Variants in NOX4 observed in about 807,000 individuals in gnomAD.
NOX4 encodes NADPH oxidase 4.
Under a neutral mutation model 87.6 loss-of-function variants are expected in NOX4, and 69 were observed. That is an observed-to-expected ratio of 0.79 (90% confidence interval 0.65 to 0.96). NOX4 has a LOEUF of 0.96. NOX4 is among the 40% of genes least tolerant of loss of function. The pLI is 0.00. For missense variants in NOX4, 680 were observed against 681.5 expected, an observed-to-expected ratio of 1.00 and a Z score of 0.02; for synonymous variants, 275 against 238.2, an observed-to-expected ratio of 1.15 and a Z score of -1.42.
At chr11:89,353,765 G>C (rs1359473682) in intron 13 of NOX4, among the ~76,000 whole-genome samples, 3 of 152,090 alleles carry the variant, frequency 2.0e-5, no homozygotes, top group African/African-American at 7.2e-5. Flanking sequence ...AGAAAAGCAG[G>C]CATCATCAGC....
the NOX4 span, among the ~76,000 whole-genome samples, chr11:89,517,719 G>T: frequency 4.0e-5 from 6 of 151,562 alleles, no homozygotes; most frequent in African/African-American, 1.5e-4. Context: ...ATGGCCTCAA[G>T]CAATCCTCCC....
intron 2 of NOX4, among the ~76,000 whole-genome samples, chr11:89,472,837 G>A (rs1287919996): frequency 6.6e-6 from 1 of 152,088 alleles, no homozygotes; most frequent in Non-Finnish European, 1.5e-5. Flanking sequence ...AGACAATATT[G>A]TCTAGTGAAC....
the NOX4 span, among the ~76,000 whole-genome samples, chr11:89,547,846 C>T: frequency 6.6e-6 from 1 of 151,990 alleles, no homozygotes; most frequent in African/African-American, 2.4e-5. Flanking sequence ...ATAGCTATAT[C>T]ATGCAGCAAT....
chr11:89,412,463 C>T (rs1366857202), intron 8 of NOX4, among the ~76,000 whole-genome samples: 1 of 152,040 alleles, frequency 6.6e-6, no homozygotes, highest in African/African-American at 2.4e-5. Context: ...TATCAAGCAC[C>T]TTTCCTGACC....
the NOX4 span, among the ~76,000 whole-genome samples, chr11:89,578,556 C>T: frequency 9.8e-3 from 1,495 of 152,206 alleles, 19 homozygotes; most frequent in African/African-American, 0.034. Context: ...TATAGATAAA[C>T]TAATATATGG....
chr11:89,440,207 T>G (rs1944397014), intron 6 of NOX4, among the ~76,000 whole-genome samples: 1 of 152,240 alleles, frequency 6.6e-6, no homozygotes, highest in African/African-American at 2.4e-5. Context: ...CATTGCAACC[T>G]TATCCTTTAA....
the NOX4 span, among the ~76,000 whole-genome samples, chr11:89,529,046 T>C: frequency 1.3e-5 from 2 of 151,738 alleles, no homozygotes; most frequent in Admixed American, 6.6e-5. Context: ...ACAGAAGAAA[T>C]CAAATCCCCA....
At chr11:89,535,895 G>A in the NOX4 span, among the ~76,000 whole-genome samples, 1 of 152,076 alleles carries the variant, frequency 6.6e-6, no homozygotes, top group Admixed American at 6.5e-5. Flanking sequence ...TTTCAGCCAT[G>A]GAGAAAGGTA....
intron 4 of NOX4, among the ~76,000 whole-genome samples, chr11:89,446,602 A>T (rs1944721898): frequency 6.6e-6 from 1 of 152,170 alleles, no homozygotes. Context: ...TTACTAAGTG[A>T]AAGAAGCCAA....
intron 11 of NOX4, among the ~76,000 whole-genome samples, chr11:89,399,432 AATATATATATATATATATATATATATAT>A (rs1208007737): frequency 2.6e-5 from 2 of 75,648 alleles, no homozygotes; most frequent in Admixed American, 1.8e-4. Flanking sequence ...CAAGAAATTA[AATATATATATATATATATATATATATAT>A]ATATATATAT....
At chr11:89,395,403 G>A (rs1194519519) in intron 11 of NOX4, among the ~76,000 whole-genome samples, 1 of 152,092 alleles carries the variant, frequency 6.6e-6, no homozygotes, top group Non-Finnish European at 1.5e-5. Flanking sequence ...CTGGATATTA[G>A]CTCTTTGCCA....
At chr11:89,443,571 T>C (rs1458160395) in intron 5 of NOX4, 2 of 152,976 alleles carry the variant, frequency 1.3e-5, no homozygotes, top group African/African-American at 4.8e-5. Context: ...GCAAATATAA[T>C]TTCATTTCAT....
In NOX4 at chr11:89,396,973, T is replaced by C. The variant is rs553466279; in HGVS notation, c.1074+3044A>G. Among the ~76,000 whole-genome samples the C allele has an allele frequency of 3.6e-3, 353 of 98,470 alleles. 1 individual carries two copies. The highest frequency in any genetic ancestry group is 4.4e-3 in the Non-Finnish European group (240 of 54,898). The allele number at this position is 98,470 out of a possible 152,430, so 64.6% of individuals were successfully genotyped here. A position where few individuals can be genotyped will look rare whatever the true frequency, so the allele number is the denominator to read the frequency against. Reference sequence around the variant, plus strand: ...TCAGCTCTGCCCCAAGCGGACCTAATAGATATCTACGAACTCTCCACCCCA... The same window carrying C: ...TCAGCTCTGCCCCAAGCGGACCTAACAGATATCTACGAACTCTCCACCCCA... On this transcript the variant is annotated intron_variant, in intron 11 of 17. Coordinates refer to ENST00000263317, the MANE Select transcript of NOX4 (RefSeq NM_016931.5).
intron 11 of NOX4, among the ~76,000 whole-genome samples, chr11:89,385,871 C>A (rs546160254): frequency 6.6e-6 from 1 of 152,238 alleles, no homozygotes; most frequent in Non-Finnish European, 1.5e-5. Context: ...ATGGTCATTT[C>A]TTCCCTTCCG....
At chr11:89,544,400 T>A in the NOX4 span, among the ~76,000 whole-genome samples, 1 of 152,106 alleles carries the variant, frequency 6.6e-6, no homozygotes, top group South Asian at 2.1e-4. Flanking sequence ...CACAATAGAA[T>A]TAAATCATCT....
At chr11:89,380,284 T>G (rs1279491240) in intron 11 of NOX4, among the ~76,000 whole-genome samples, 5 of 151,930 alleles carry the variant, frequency 3.3e-5, no homozygotes, top group African/African-American at 1.2e-4. Flanking sequence ...GAAAAACAGG[T>G]AAGTGGAAAA....
intron 2 of NOX4, among the ~76,000 whole-genome samples, chr11:89,464,403 C>T (rs1220824023): frequency 6.6e-6 from 1 of 152,110 alleles, no homozygotes; most frequent in Admixed American, 6.6e-5. Context: ...GGTTCTCATT[C>T]AGAAGCAGTG....
intron 8 of NOX4, among the ~76,000 whole-genome samples, chr11:89,404,016 C>A (rs556724011): frequency 6.6e-6 from 1 of 151,936 alleles, no homozygotes; most frequent in Non-Finnish European, 1.5e-5. Flanking sequence ...GCATGCATTA[C>A]ATGACATCAT....
chr11:89,409,913 A>G (rs1274474343), intron 8 of NOX4, among the ~76,000 whole-genome samples: 1 of 152,090 alleles, frequency 6.6e-6, no homozygotes, highest in Admixed American at 6.6e-5. Context: ...AGAACTAAAA[A>G]GTGAAATAAA....
Sources: allele counts gnomAD v4.1 joint callset (sites outside exome capture counted in the v4.1 genomes callset), GRCh38; gene constraint gnomAD v4.1.1; transcripts MANE v1.5; gene names NCBI Gene and HGNC (gene_info 2026-07-23, HGNC 2026-07-21).